ANKRD6: variants seen among roughly 807,000 people sequenced by gnomAD.
ANKRD6 encodes the protein ankyrin repeat domain 6, also known as ankyrin repeat domain-containing protein 6.
In ANKRD6, 56 loss-of-function variants were observed where a neutral mutation model predicts 82.3. That is an observed-to-expected ratio of 0.68 (90% confidence interval 0.55 to 0.85). The LOEUF (loss-of-function observed/expected upper bound fraction) is 0.85, where lower values mean the gene tolerates loss of function less well. ANKRD6 is among the 40% of genes least tolerant of loss of function. The probability of loss-of-function intolerance (pLI) is 0.00; values close to 1 mark genes in which losing one functional copy is unlikely to be tolerated. For missense variants in ANKRD6, 852 were observed against 907.6 expected (o/e 0.94, Z 0.79); for synonymous variants, 347 against 352.1 (o/e 0.99, Z 0.16).
At chr6:89,517,283 AGTT>A (rs1428803804) in intron 1 of ANKRD6, among the ~76,000 whole-genome samples, 1 of 152,238 alleles carries the variant, frequency 6.6e-6, no homozygotes, top group African/African-American at 2.4e-5. Context: ...AATTAATAGT[AGTT>A]TAATAATTTT....
intron 3 of ANKRD6, chr6:89,598,273 G>A (rs1796334489): frequency 1.1e-5 from 11 of 985,216 alleles, no homozygotes; most frequent in Middle Eastern, 5.2e-4. Context: ...GAGCGCTAAT[G>A]CCATCTCTGA....
At chr6:89,548,457 C>T (rs538941233) in intron 1 of ANKRD6, among the ~76,000 whole-genome samples, 1 of 152,112 alleles carries the variant, frequency 6.6e-6, no homozygotes, top group Non-Finnish European at 1.5e-5. Context: ...GTTGTTTCTA[C>T]TTTTTGGCTG....
At chr6:89,591,096 C>CT (rs925368424) in intron 2 of ANKRD6, among the ~76,000 whole-genome samples, 16 of 151,960 alleles carry the variant, frequency 1.1e-4, no homozygotes, top group African/African-American at 3.9e-4. Context: ...AAACTTCGTC[C>CT]TTTTTTTCTT....
At chr6:89,453,508 A>G (rs994181230) in intron 1 of ANKRD6, among the ~76,000 whole-genome samples, 2 of 152,034 alleles carry the variant, frequency 1.3e-5, no homozygotes, top group South Asian at 2.1e-4. Flanking sequence ...ATGAATTTTT[A>G]TACTCCTTTT....
intron 1 of ANKRD6, among the ~76,000 whole-genome samples, chr6:89,492,531 G>A (rs1029084351): frequency 2.0e-5 from 3 of 152,126 alleles, no homozygotes; most frequent in East Asian, 3.8e-4. Flanking sequence ...AGACAACCAC[G>A]CACACCCCAC....
chr6:89,544,923 G>A (rs984402887), intron 1 of ANKRD6, among the ~76,000 whole-genome samples: 1 of 151,764 alleles, frequency 6.6e-6, no homozygotes, highest in African/African-American at 2.4e-5. Context: ...GTAAGAAAGG[G>A]ATGTTTCGGG....
intron 1 of ANKRD6, among the ~76,000 whole-genome samples, chr6:89,490,814 G>C (rs1372273012): frequency 1.3e-5 from 2 of 152,146 alleles, no homozygotes; most frequent in African/African-American, 4.8e-5. Context: ...CGCTTGGCCT[G>C]TGTAGTGGGT....
At chr6:89,472,234 C>A (rs1775571372) in intron 1 of ANKRD6, among the ~76,000 whole-genome samples, 1 of 152,112 alleles carries the variant, frequency 6.6e-6, no homozygotes, top group African/African-American at 2.4e-5. Context: ...TTAATTTGAT[C>A]ATCTTCAAAG....
intron 2 of ANKRD6, among the ~76,000 whole-genome samples, chr6:89,593,075 A>G (rs976625376): frequency 5.9e-5 from 9 of 152,080 alleles, no homozygotes; most frequent in African/African-American, 1.7e-4. Flanking sequence ...CTCCATCTCA[A>G]TTTTTTAAAA....
chr6:89,620,845 C>A (rs1323967161), intron 9 of ANKRD6, among the ~76,000 whole-genome samples: 1 of 152,160 alleles, frequency 6.6e-6, no homozygotes, highest in Non-Finnish European at 1.5e-5. Context: ...ATGGGCAGAT[C>A]ATGAGGTCAG....
At chr6:89,576,805 G>T (rs977262899) in intron 2 of ANKRD6, among the ~76,000 whole-genome samples, 37 of 152,008 alleles carry the variant, frequency 2.4e-4, no homozygotes, top group African/African-American at 8.7e-4. Flanking sequence ...GGCCCTCTGC[G>T]CTCATCTGCT....
rs1770275120 is a variant in ANKRD6 at position 89,433,832 on chromosome 6, T to G, written c.-144+457T>G. Among the ~76,000 whole-genome samples, 1 of 152,186 alleles carries G rather than the reference T, an allele frequency of 6.6e-6. No individual in the cohort carries two copies. The highest frequency in any genetic ancestry group is 1.5e-5 in the Non-Finnish European group (1 of 68,016). The stretch of plus-strand genomic sequence containing the variant: ...CCTGGACGACAGCACTAGGGTGCAG[T>G]CGCAGGAGAGGGGCCGATACCCCTC... On this transcript the variant is annotated intron_variant, in intron 1 of 15. Coordinates refer to ENST00000339746, the MANE Select transcript of ANKRD6 (RefSeq NM_001242809.2). This position sits in a 1 kb window ranked among gnomAD's most constrained non-coding sequence, Gnocchi z 4.3.
At chr6:89,549,502 G>A (rs573385946) in intron 1 of ANKRD6, among the ~76,000 whole-genome samples, 8 of 151,612 alleles carry the variant, frequency 5.3e-5, no homozygotes, top group African/African-American at 1.2e-4. Flanking sequence ...CTCCAGAACT[G>A]TGAGAAATAG....
At chr6:89,523,775 G>A (rs749266706) in intron 1 of ANKRD6, among the ~76,000 whole-genome samples, 1 of 152,104 alleles carries the variant, frequency 6.6e-6, no homozygotes, top group Non-Finnish European at 1.5e-5. Context: ...ACACTACTGT[G>A]TTAGGTGCTA....
intron 1 of ANKRD6, among the ~76,000 whole-genome samples, chr6:89,550,847 T>C (rs986128486): frequency 6.6e-6 from 1 of 151,942 alleles, no homozygotes; most frequent in African/African-American, 2.4e-5. Flanking sequence ...TCCCAGCTAC[T>C]TGGGAGGCTG....
intron 1 of ANKRD6, among the ~76,000 whole-genome samples, chr6:89,513,347 C>T (rs1294745817): frequency 6.6e-6 from 1 of 152,188 alleles, no homozygotes; most frequent in Non-Finnish European, 1.5e-5. Context: ...TTGAATACTG[C>T]CAAATTTCCA....
chr6:89,477,543 G>A (rs1265313603), intron 1 of ANKRD6, among the ~76,000 whole-genome samples: 5 of 151,768 alleles, frequency 3.3e-5, no homozygotes, highest in East Asian at 2.0e-4. Flanking sequence ...AGGCCGAGGC[G>A]GGCGGATCAT....
At chr6:89,492,422 G>C (rs906813461) in intron 1 of ANKRD6, among the ~76,000 whole-genome samples, 2 of 152,128 alleles carry the variant, frequency 1.3e-5, no homozygotes, top group Admixed American at 1.3e-4. Context: ...AAAAACACAG[G>C]GTGAGGTTTG....
At chr6:89,489,484 T>C (rs1777773195) in intron 1 of ANKRD6, among the ~76,000 whole-genome samples, 1 of 152,210 alleles carries the variant, frequency 6.6e-6, no homozygotes, top group Non-Finnish European at 1.5e-5. Flanking sequence ...CCAGAAAATA[T>C]TTTCCTTAAA....
Sources: gnomAD v4.1 joint callset for allele counts (sites outside exome capture counted in the v4.1 genomes callset) on GRCh38, gnomAD v4.1.1 for gene constraint, Gnocchi (gnomAD v3.1) non-coding constraint, MANE v1.5 for transcripts, NCBI Gene and HGNC (gene_info 2026-07-23, HGNC 2026-07-21) for gene names.